TMEM232: variants seen among roughly 807,000 people sequenced by gnomAD.
The protein encoded by TMEM232 is transmembrane protein 232.
Under a neutral mutation model 78.8 loss-of-function variants are expected in TMEM232, and 80 were observed. That is an observed-to-expected ratio of 1.01 (90% CI 0.85 to 1.22). The LOEUF (loss-of-function observed/expected upper bound fraction) is 1.22, where lower values mean the gene tolerates loss of function less well. Among genes scored for constraint, TMEM232 ranks in the 50% most tolerant of loss-of-function variants. The pLI is 0.00. For synonymous variants in TMEM232, 297 were observed against 254.3 expected, an observed-to-expected ratio of 1.17 and a Z score of -1.60; for missense variants, 881 against 742.2, an observed-to-expected ratio of 1.19 and a Z score of -2.17.
chr5:110,710,014 TTTAG>T (rs1796311018), intron 1 of TMEM232, among the ~76,000 whole-genome samples: 1 of 151,656 alleles, frequency 6.6e-6, no homozygotes, highest in Non-Finnish European at 1.5e-5. Flanking sequence ...TTGGAAAACC[TTTAG>T]TTAGACAAAT....
intron 12 of TMEM232, among the ~76,000 whole-genome samples, chr5:110,492,466 T>A (rs1765216567): frequency 6.6e-6 from 1 of 151,908 alleles, no homozygotes; most frequent in Non-Finnish European, 1.5e-5. Flanking sequence ...TATGATTTGA[T>A]AAAATTAAAT....
chr5:110,613,625 T>A (rs1038908884), intron 8 of TMEM232, among the ~76,000 whole-genome samples: 5 of 152,184 alleles, frequency 3.3e-5, no homozygotes, highest in Non-Finnish European at 5.9e-5. Context: ...CCTGATGAAG[T>A]CTTAATGCAT....
chr5:110,460,863 G>A (rs185999166), intron 12 of TMEM232, among the ~76,000 whole-genome samples: 1 of 152,022 alleles, frequency 6.6e-6, no homozygotes, highest in Admixed American at 6.6e-5. Flanking sequence ...TGTAACTATT[G>A]TAATTGTTTT....
At chr5:110,728,306 T>TAA (rs1314241910), upstream of TMEM232, among the ~76,000 whole-genome samples, 1 of 151,764 alleles carries the variant, frequency 6.6e-6, no homozygotes. Flanking sequence ...TATATATATA[T>TAA]CAGTAGAATG....
chr5:110,616,551 C>T (rs1212150072), intron 8 of TMEM232, among the ~76,000 whole-genome samples: 1 of 151,912 alleles, frequency 6.6e-6, no homozygotes, highest in Non-Finnish European at 1.5e-5. Context: ...GAAAACCATA[C>T]ATTTGGTAAA....
chr5:110,392,780 ACAGT>A (rs1755250814), intron 3 of TMEM232, among the ~76,000 whole-genome samples: 1 of 152,208 alleles, frequency 6.6e-6, no homozygotes, highest in African/African-American at 2.4e-5. Flanking sequence ...AGGGACATGA[ACAGT>A]CAGTCAGTAA....
chr5:110,437,801 C>A (rs1001422400), intron 12 of TMEM232, among the ~76,000 whole-genome samples: 1 of 152,066 alleles, frequency 6.6e-6, no homozygotes, highest in African/African-American at 2.4e-5. Flanking sequence ...AGAATAAGAT[C>A]TTTAAGTGTA....
At chr5:110,429,200 G>A (rs986966773) in intron 12 of TMEM232, among the ~76,000 whole-genome samples, 2 of 151,696 alleles carry the variant, frequency 1.3e-5, no homozygotes, top group Admixed American at 6.6e-5. Context: ...TGTTTCTTTC[G>A]AGTAGAAAGG....
chr5:110,714,082 C>T (rs1301864042), intron 1 of TMEM232, among the ~76,000 whole-genome samples: 2 of 152,036 alleles, frequency 1.3e-5, no homozygotes, highest in Non-Finnish European at 2.9e-5. Context: ...GTGACTACAC[C>T]CCTCACCCTG....
At chr5:110,648,493 T>C (rs759477123) in intron 2 of TMEM232, among the ~76,000 whole-genome samples, 1 of 152,104 alleles carries the variant, frequency 6.6e-6, no homozygotes, top group Non-Finnish European at 1.5e-5. Flanking sequence ...AAATATGGAA[T>C]CAAACAACAT....
chr5:110,701,889 G>T (rs1335643149), intron 1 of TMEM232, among the ~76,000 whole-genome samples: 1 of 151,906 alleles, frequency 6.6e-6, no homozygotes, highest in Non-Finnish European at 1.5e-5. Flanking sequence ...AAGTCATGAG[G>T]TATCCAAAGA....
At chr5:110,570,463 T>C (rs567152592) in intron 10 of TMEM232, among the ~76,000 whole-genome samples, 1 of 151,890 alleles carries the variant, frequency 6.6e-6, no homozygotes, top group East Asian at 2.0e-4. Context: ...AATTAGAGGG[T>C]AACTGTTAAA....
intron 1 of TMEM232, among the ~76,000 whole-genome samples, chr5:110,669,951 T>C (rs1447907663): frequency 6.6e-6 from 1 of 152,144 alleles, no homozygotes; most frequent in Non-Finnish European, 1.5e-5. Context: ...CTAAAAACTC[T>C]CAATAAATTA....
intron 4 of TMEM232, among the ~76,000 whole-genome samples, chr5:110,388,267 AGTGGGCTTTCCAC>A (rs1308753314): frequency 8.5e-4 from 130 of 152,248 alleles, no homozygotes; most frequent in Non-Finnish European, 1.2e-3. Flanking sequence ...TTATTATACA[AGTGGGCTTTCCAC>A]TTGGCCAGCA....
chr5:110,499,213 A>G (rs1047295377), intron 12 of TMEM232, among the ~76,000 whole-genome samples: 1 of 152,196 alleles, frequency 6.6e-6, no homozygotes, highest in African/African-American at 2.4e-5. Flanking sequence ...AAGCTCAATC[A>G]TAGTAAATTT....
At chr5:110,683,018 G>C (rs1391825685) in intron 1 of TMEM232, among the ~76,000 whole-genome samples, 2 of 152,102 alleles carry the variant, frequency 1.3e-5, no homozygotes, top group Non-Finnish European at 1.5e-5. Flanking sequence ...TACTTTAACT[G>C]CAGGTGCCTC....
At chr5:110,605,650 T>C (rs1254567635) in intron 9 of TMEM232, among the ~76,000 whole-genome samples, 1 of 152,142 alleles carries the variant, frequency 6.6e-6, no homozygotes, top group African/African-American at 2.4e-5. Flanking sequence ...AAAGGAACCT[T>C]TTGATATACA....
intron 8 of TMEM232, among the ~76,000 whole-genome samples, chr5:110,607,909 T>C (rs1781713249): frequency 6.6e-6 from 1 of 151,886 alleles, no homozygotes; most frequent in South Asian, 2.1e-4. Flanking sequence ...CTGCTATACA[T>C]GACAGAAAAG....
chr5:110,598,852 G>A (rs186593920), intron 10 of TMEM232, among the ~76,000 whole-genome samples: 1,512 of 125,782 alleles, frequency 0.012, 12 homozygotes, highest in East Asian at 0.022. Flanking sequence ...CACATTCTGG[G>A]GACTGTTGTG....
Sources: allele counts gnomAD v4.1 joint callset (sites outside exome capture counted in the v4.1 genomes callset), GRCh38; gene constraint gnomAD v4.1.1; transcripts MANE v1.5; gene names NCBI Gene and HGNC (gene_info 2026-07-23, HGNC 2026-07-21).